ARID5B: variants seen among roughly 807,000 people sequenced by gnomAD.
ARID5B encodes AT-rich interactive domain-containing protein 5B.
A neutral mutation model predicts 97.2 loss-of-function variants in ARID5B; 13 were observed. The observed-to-expected ratio is 0.13, with a 90% CI of 0.09 to 0.21. ARID5B has a LOEUF of 0.21. Ranked by LOEUF, ARID5B falls within the 10% of genes least tolerant of loss-of-function variation. The pLI is 1.00. For missense variants in ARID5B, 1,210 were observed against 1,465.3 expected (o/e 0.83, Z 2.84); for synonymous variants, 556 against 570.3 (o/e 0.97, Z 0.36).
rs147650629 is a variant in ARID5B at position 62,046,984 on chromosome 10, G to C, written c.734-3904G>C. ...CAAGTTAGTATGAATACTTCATTTT[G>C]AGGCAATGTGTGTGTGTCTGTGTGT... On this transcript the variant is annotated intron_variant, in intron 4 of 9. Transcript: ENST00000279873. 2.9e-3 allele frequency: 410 copies of C among 140,992 alleles called. 2 individuals carry two copies. The highest frequency in any genetic ancestry group is 0.014 in the Middle Eastern group (4 of 294). The allele number at this position is 140,992 out of a possible 1,614,324, so 8.7% of individuals were successfully genotyped here. A position where few individuals can be genotyped will look rare whatever the true frequency, so the allele number is the denominator to read the frequency against.
At chr10:61,989,346 T>C (rs1174149157) in intron 3 of ARID5B, among the ~76,000 whole-genome samples, 8 of 152,244 alleles carry the variant, frequency 5.3e-5, no homozygotes, top group Non-Finnish European at 4.4e-5. Context: ...ATGTGTTAAT[T>C]ACAAGTTGGC....
At chr10:61,909,195 G>A (rs965838931) in intron 2 of ARID5B, among the ~76,000 whole-genome samples, 2 of 151,682 alleles carry the variant, frequency 1.3e-5, no homozygotes, top group African/African-American at 4.8e-5. Context: ...AGTTATCTGT[G>A]TTCTTTTCCT....
chr10:62,056,647 G>A (rs1436796222), intron 5 of ARID5B, among the ~76,000 whole-genome samples: 3 of 152,168 alleles, frequency 2.0e-5, no homozygotes, highest in Admixed American at 1.3e-4. Context: ...AAAATAAAAT[G>A]TATTGATATA....
chr10:61,930,609 A>G (rs1844189230), intron 2 of ARID5B, among the ~76,000 whole-genome samples: 1 of 151,822 alleles, frequency 6.6e-6, no homozygotes, highest in African/African-American at 2.4e-5. Flanking sequence ...AGTCCCAGCT[A>G]CTCGGGAGGC....
At chr10:61,979,844 C>T (rs536913296) in intron 3 of ARID5B, among the ~76,000 whole-genome samples, 32 of 152,224 alleles carry the variant, frequency 2.1e-4, no homozygotes, top group African/African-American at 7.5e-4. Flanking sequence ...GTAATCCCAG[C>T]ACTTTGGGAG....
chr10:62,028,537 T>C (rs1839451859), intron 4 of ARID5B, among the ~76,000 whole-genome samples: 1 of 152,172 alleles, frequency 6.6e-6, no homozygotes. Context: ...TCACCACCTG[T>C]GTGCTCCTGG....
chr10:61,929,230 G>T (rs960246751), intron 2 of ARID5B, among the ~76,000 whole-genome samples: 1 of 152,116 alleles, frequency 6.6e-6, no homozygotes, highest in Non-Finnish European at 1.5e-5. Context: ...TGTTGTTTTT[G>T]TGTTCCCAAC....
At chr10:61,907,712 C>A (rs1843730559) in intron 2 of ARID5B, among the ~76,000 whole-genome samples, 1 of 152,248 alleles carries the variant, frequency 6.6e-6, no homozygotes. Flanking sequence ...TGGACTGTGA[C>A]AAGAGTCAGC....
At chr10:61,908,436 G>A (rs913188907) in intron 2 of ARID5B, among the ~76,000 whole-genome samples, 9 of 152,022 alleles carry the variant, frequency 5.9e-5, no homozygotes, top group African/African-American at 2.2e-4. Flanking sequence ...CATGTTTTTT[G>A]GAAAAAGAAT....
intron 1 of ARID5B, 97 bp from the exon 2 acceptor site, chr10:61,902,062 T>G: frequency 6.9e-7 from 1 of 1,459,522 alleles, no homozygotes; most frequent in Non-Finnish European, 9.4e-7. Context: ...TCGTCTGTAT[T>G]AAGAGAGTGG....
chr10:61,952,288 G>C (rs758523636), intron 3 of ARID5B, among the ~76,000 whole-genome samples: 2 of 152,236 alleles, frequency 1.3e-5, no homozygotes, highest in East Asian at 1.9e-4. Flanking sequence ...TCTGCCTTTC[G>C]TTTAAGACTT....
intron 9 of ARID5B, among the ~76,000 whole-genome samples, chr10:62,089,290 T>G (rs1345536713): frequency 2.0e-5 from 3 of 152,062 alleles, no homozygotes; most frequent in Non-Finnish European, 2.9e-5. Context: ...AAGCAAAGTC[T>G]CTTAGGTATA....
At chr10:62,065,253 G>T (rs1839971368) in intron 7 of ARID5B, among the ~76,000 whole-genome samples, 1 of 152,186 alleles carries the variant, frequency 6.6e-6, no homozygotes, top group Admixed American at 6.5e-5. Context: ...TGTTTTACCT[G>T]GGTGTAGTCT....
intron 2 of ARID5B, among the ~76,000 whole-genome samples, chr10:61,933,023 A>G (rs1844238208): frequency 6.6e-6 from 1 of 152,332 alleles, no homozygotes; most frequent in African/African-American, 2.4e-5. Flanking sequence ...TTCAGGCCAT[A>G]TGGTGCCAAT....
At chr10:62,009,534 A>C (rs996472276) in intron 4 of ARID5B, among the ~76,000 whole-genome samples, 1 of 151,240 alleles carries the variant, frequency 6.6e-6, no homozygotes, top group African/African-American at 2.4e-5. Flanking sequence ...GAGGTTAAAC[A>C]GCTTCTGAAG....
chr10:61,976,273 ATTTAAC>A (rs1838697037), intron 3 of ARID5B, among the ~76,000 whole-genome samples: 2 of 152,352 alleles, frequency 1.3e-5, no homozygotes, highest in South Asian at 4.1e-4. Context: ...GTTCTAATTA[ATTTAAC>A]TTTATATTGC....
At chr10:61,987,391 G>A (rs543350789) in intron 3 of ARID5B, among the ~76,000 whole-genome samples, 2 of 152,342 alleles carry the variant, frequency 1.3e-5, no homozygotes, top group Non-Finnish European at 2.9e-5. Flanking sequence ...TACAGACCTA[G>A]CTCCTGCCCT....
chr10:62,000,427 C>A lies in ARID5B; in HGVS notation c.733+106C>A. 9.3e-7 allele frequency: 1 copy of A among 1,073,510 alleles called. No homozygotes were observed. Among genetic ancestry groups the A allele is most frequent in the South Asian group, 1.6e-5 (1 of 62,448 alleles). 66.5% of individuals were successfully genotyped at this position (1,073,510 alleles called of 1,614,324 possible). ...GGGGAACGGGGCTCACTTTCACAAG[C>A]CCCATGTGCTGCCCCACCCCTCCCA... On this transcript the variant is annotated intron_variant, in intron 4 of 9. Transcript: ENST00000279873. The surrounding 1 kb of genome is among the most constrained non-coding windows in gnomAD (Gnocchi z 4.4).
At chr10:62,058,607 AG>A (rs1839885592) in intron 6 of ARID5B, among the ~76,000 whole-genome samples, 2 of 152,334 alleles carry the variant, frequency 1.3e-5, no homozygotes, top group South Asian at 4.1e-4. Context: ...CAGGCCAGTT[AG>A]GGGACTAAGT....
Sources: allele counts gnomAD v4.1 joint callset (sites outside exome capture counted in the v4.1 genomes callset), GRCh38; gene constraint gnomAD v4.1.1; non-coding constraint Gnocchi (gnomAD v3.1); transcripts MANE v1.5; gene names NCBI Gene and HGNC (gene_info 2026-07-23, HGNC 2026-07-21).